CDK14: variants seen among roughly 807,000 people sequenced by gnomAD.
CDK14 encodes the protein cyclin dependent kinase 14.
A neutral mutation model predicts 60.7 loss-of-function variants in CDK14; 34 were observed. The observed-to-expected ratio is 0.56, with a 90% CI of 0.43 to 0.75. The LOEUF (loss-of-function observed/expected upper bound fraction) is 0.75, where lower values mean the gene tolerates loss of function less well. Among genes scored for constraint, CDK14 ranks in the 30% least tolerant of loss-of-function variants. The pLI is 0.00. For missense variants in CDK14, 482 were observed against 564.1 expected (o/e 0.85, Z 1.47); for synonymous variants, 197 against 203.7 (o/e 0.97, Z 0.28).
intron 14 of CDK14, among the ~76,000 whole-genome samples, chr7:91,167,021 G>A (rs572723361): frequency 6.6e-6 from 1 of 152,336 alleles, no homozygotes; most frequent in South Asian, 2.1e-4. Context: ...TGGGCCTTTA[G>A]TATAGACAAA....
chr7:90,989,772 G>A (rs1483355522), intron 10 of CDK14, among the ~76,000 whole-genome samples: 1 of 152,140 alleles, frequency 6.6e-6, no homozygotes, highest in Non-Finnish European at 1.5e-5. Context: ...TTGGACAGTA[G>A]TTTCTGCATC....
At chr7:91,146,862 T>G (rs546640464) in intron 14 of CDK14, among the ~76,000 whole-genome samples, 3 of 152,138 alleles carry the variant, frequency 2.0e-5, no homozygotes, top group Non-Finnish European at 4.4e-5. Context: ...ATCTGCCTCC[T>G]TTTTTCTTTG....
chr7:90,923,046 G>C (rs1360770335), intron 8 of CDK14, among the ~76,000 whole-genome samples: 1 of 150,632 alleles, frequency 6.6e-6, no homozygotes, highest in Non-Finnish European at 1.5e-5. Flanking sequence ...GGTGACATTT[G>C]TCAATCACTA....
intron 5 of CDK14, among the ~76,000 whole-genome samples, chr7:90,805,205 A>C (rs1788775904): frequency 6.6e-6 from 1 of 152,142 alleles, no homozygotes; most frequent in Non-Finnish European, 1.5e-5. Flanking sequence ...TCATGATAGT[A>C]ATTAACATAG....
intron 2 of CDK14, among the ~76,000 whole-genome samples, chr7:90,670,302 T>C (rs1441947881): frequency 6.6e-6 from 1 of 152,224 alleles, no homozygotes; most frequent in Admixed American, 6.5e-5. Flanking sequence ...TCAACTAATT[T>C]ATTTCATGGA....
At chr7:90,899,568 C>A (rs553489524) in intron 7 of CDK14, among the ~76,000 whole-genome samples, 95 of 152,008 alleles carry the variant, frequency 6.2e-4, no homozygotes, top group Non-Finnish European at 1.2e-3. Flanking sequence ...ATTTAGATCT[C>A]ATCTTATATT....
chr7:90,665,797 A>C (rs1233117276), intron 2 of CDK14, among the ~76,000 whole-genome samples: 1 of 151,016 alleles, frequency 6.6e-6, no homozygotes, highest in East Asian at 2.0e-4. Context: ...TAAGTGAATT[A>C]TACCTTGGCT....
chr7:90,816,305 AGAATTAAATATCTTGCTAGTAGGGT>A (rs1335070269), intron 5 of CDK14, among the ~76,000 whole-genome samples: 1 of 152,160 alleles, frequency 6.6e-6, no homozygotes, highest in Non-Finnish European at 1.5e-5. Flanking sequence ...TGGCATAGAG[AGAATTAAATATCTTGCTAGTAGGGT>A]GTGTGGGTTG....
intron 10 of CDK14, among the ~76,000 whole-genome samples, chr7:90,990,348 TAAAC>T (rs1335176287): frequency 2.0e-5 from 3 of 152,180 alleles, no homozygotes; most frequent in Non-Finnish European, 4.4e-5. Context: ...AGTAGAGAAT[TAAAC>T]AACACCTGTT....
chr7:91,076,158 AG>A (rs1266074727), intron 11 of CDK14, among the ~76,000 whole-genome samples: 1 of 147,490 alleles, frequency 6.8e-6, no homozygotes, highest in Non-Finnish European at 1.5e-5. Context: ...GAGCCTGTAT[AG>A]CCAAGACAAT....
intron 8 of CDK14, among the ~76,000 whole-genome samples, chr7:90,948,530 A>T (rs1794163836): frequency 6.6e-6 from 1 of 152,252 alleles, no homozygotes; most frequent in South Asian, 2.1e-4. Context: ...AAGTTAACCT[A>T]GTCTGTCCCA....
At chr7:90,715,090 G>T (rs1167929374) in intron 2 of CDK14, among the ~76,000 whole-genome samples, 1 of 152,000 alleles carries the variant, frequency 6.6e-6, no homozygotes, top group Non-Finnish European at 1.5e-5. Flanking sequence ...TAATGTTATT[G>T]CACCTTCTGG....
chr7:90,881,130 A>T (rs1414234924), intron 6 of CDK14, among the ~76,000 whole-genome samples: 1 of 152,202 alleles, frequency 6.6e-6, no homozygotes, highest in Non-Finnish European at 1.5e-5. Flanking sequence ...GAAGATGGGT[A>T]ATATAAAACT....
intron 11 of CDK14, among the ~76,000 whole-genome samples, chr7:91,068,574 G>A (rs914663490): frequency 1.4e-4 from 21 of 151,770 alleles, no homozygotes; most frequent in Non-Finnish European, 1.6e-4. Flanking sequence ...ATGAATCATC[G>A]ACTCCTCCCT....
At chr7:91,152,624 G>T (rs761472334) in intron 14 of CDK14, among the ~76,000 whole-genome samples, 109 of 152,218 alleles carry the variant, frequency 7.2e-4, no homozygotes, top group Non-Finnish European at 1.4e-3. Context: ...TGTGCTATGT[G>T]CTGGGGCTGT....
At chr7:91,165,658 T>G (rs191848701) in intron 14 of CDK14, among the ~76,000 whole-genome samples, 9 of 152,242 alleles carry the variant, frequency 5.9e-5, no homozygotes, top group Non-Finnish European at 1.2e-4. Context: ...GCTTTTAACG[T>G]TTACTCATCA....
chr7:90,616,352 A>G (rs1203970417), intron 2 of CDK14, among the ~76,000 whole-genome samples: 2 of 152,210 alleles, frequency 1.3e-5, no homozygotes, highest in African/African-American at 4.8e-5. Context: ...TCAGGGCATG[A>G]ATTACAAATT....
At chr7:90,645,564 A>C (rs1461524213) in intron 2 of CDK14, among the ~76,000 whole-genome samples, 1 of 152,160 alleles carries the variant, frequency 6.6e-6, no homozygotes, top group Non-Finnish European at 1.5e-5. Flanking sequence ...CATCACTTAA[A>C]TAATTTATAA....
chr7:90,730,133 G>T lies in CDK14; in HGVS notation c.369+3321G>T, dbSNP rs190380914. Among the ~76,000 whole-genome samples the T allele has an allele frequency of 1.2e-4, 18 of 152,254 alleles. No individual in the cohort carries two copies. In the East Asian group the frequency reaches 2.7e-3, roughly 23 times the overall value. ...TGGTTTTCTGTTCTTCTCTTAGTTT[G>T]CTGAGAATGATGGTTTCCAGCTTCA... On this transcript the variant is annotated intron_variant, in intron 3 of 14. Transcript: ENST00000380050.
Sources: gnomAD v4.1 joint callset for allele counts (sites outside exome capture counted in the v4.1 genomes callset) on GRCh38, gnomAD v4.1.1 for gene constraint, MANE v1.5 for transcripts, NCBI Gene and HGNC (gene_info 2026-07-23, HGNC 2026-07-21) for gene names.